PHF24: variants seen among roughly 807,000 people sequenced by gnomAD.
The protein encoded by PHF24 is Galpha inhibitory interacting protein.
In PHF24, 25 loss-of-function variants were observed where a neutral mutation model predicts 42.6. The observed-to-expected ratio is 0.59, with a 90% confidence interval of 0.43 to 0.82. The LOEUF is 0.82. Among genes scored for constraint, PHF24 ranks in the 40% least tolerant of loss-of-function variants. PHF24 has a pLI of 0.00. For missense variants in PHF24, 470 were observed against 538.1 expected, an observed-to-expected ratio of 0.87 and a Z score of 1.25; for synonymous variants, 185 against 204.8, an observed-to-expected ratio of 0.90 and a Z score of 0.83.
chr9:34,842,005 C>G, the PHF24 span, among the ~76,000 whole-genome samples: 1 of 152,238 alleles, frequency 6.6e-6, no homozygotes, highest in Admixed American at 6.5e-5. Flanking sequence ...CATTTCCTCT[C>G]TCTTCCAAAC....
At chr9:34,870,896 T>TA in the PHF24 span, among the ~76,000 whole-genome samples, 1 of 152,214 alleles carries the variant, frequency 6.6e-6, no homozygotes, top group East Asian at 1.9e-4. Context: ...AAATCATGAG[T>TA]AAAGCTGTTA....
the PHF24 span, among the ~76,000 whole-genome samples, chr9:34,729,959 G>A: frequency 2.0e-5 from 3 of 152,176 alleles, no homozygotes; most frequent in African/African-American, 7.2e-5. Context: ...TAACAGAGGT[G>A]CAGGAAGGGG....
chr9:34,895,669 A>G, the PHF24 span: 79 of 403,922 alleles, frequency 2.0e-4, no homozygotes, highest in Non-Finnish European at 3.1e-4. Flanking sequence ...AGATGGATCC[A>G]TAGGTGTATA....
the PHF24 span, among the ~76,000 whole-genome samples, chr9:34,852,862 T>C: frequency 1.3e-5 from 2 of 152,198 alleles, no homozygotes; most frequent in East Asian, 1.9e-4. Context: ...CTTGGCTCAA[T>C]TGATCCTTTT....
At chr9:34,973,475 G>A in intron 3 of PHF24, among the ~76,000 whole-genome samples, 1 of 152,200 alleles carries the variant, frequency 6.6e-6, no homozygotes, top group East Asian at 1.9e-4. Flanking sequence ...GGTTTCCATT[G>A]AAAGCCAGAT....
the PHF24 span, among the ~76,000 whole-genome samples, chr9:34,735,602 C>A: frequency 2.0e-5 from 3 of 151,316 alleles, no homozygotes; most frequent in Admixed American, 6.6e-5. Context: ...AGTTCAAGAC[C>A]AGCCTGGCCA....
chr9:34,796,854 A>C, the PHF24 span, among the ~76,000 whole-genome samples: 1 of 152,198 alleles, frequency 6.6e-6, no homozygotes, highest in Non-Finnish European at 1.5e-5. Flanking sequence ...TCACACAAAA[A>C]CTTGTTATAC....
At chr9:34,728,754 A>G in the PHF24 span, 170 of 1,097,082 alleles carry the variant, frequency 1.5e-4, no homozygotes, top group Non-Finnish European at 2.2e-4. Flanking sequence ...CTCGCTTTGT[A>G]TATATCTATC....
At chr9:34,709,122 A>G in the PHF24 span, 1 of 543,850 alleles carries the variant, frequency 1.8e-6, no homozygotes. Flanking sequence ...TTCTCCTTCA[A>G]GGGGACAGTC....
chr9:34,909,209 A>G, the PHF24 span, among the ~76,000 whole-genome samples: 1 of 152,098 alleles, frequency 6.6e-6, no homozygotes, highest in East Asian at 1.9e-4. Context: ...TCGAACTCTC[A>G]GGCTCAAGCT....
the PHF24 span, among the ~76,000 whole-genome samples, chr9:34,808,458 T>G: frequency 1.3e-5 from 2 of 151,858 alleles, no homozygotes; most frequent in African/African-American, 4.8e-5. Context: ...GGAGACTCTA[T>G]CCCCCCGCCA....
At chr9:34,792,516 CA>C in the PHF24 span, among the ~76,000 whole-genome samples, 1 of 152,018 alleles carries the variant, frequency 6.6e-6, no homozygotes, top group Non-Finnish European at 1.5e-5. Context: ...ACTAAAAATA[CA>C]AAATTAGCAG....
chr9:34,847,210 TA>T, the PHF24 span, among the ~76,000 whole-genome samples: 2 of 152,256 alleles, frequency 1.3e-5, no homozygotes, highest in African/African-American at 4.8e-5. Context: ...ATTTTCATGA[TA>T]TTGATTCTTC....
At chr9:34,723,442 C>G in the PHF24 span, 28 of 1,551,768 alleles carry the variant, frequency 1.8e-5, no homozygotes, top group South Asian at 3.2e-4. Context: ...TCGGCTTCTC[C>G]GTCTTACTTC....
chr9:34,857,201 GAAT>G, the PHF24 span, among the ~76,000 whole-genome samples: 2 of 152,206 alleles, frequency 1.3e-5, no homozygotes, highest in Non-Finnish European at 2.9e-5. Context: ...TGGCCAGCTG[GAAT>G]TCCAAGCCAG....
At chr9:34,770,100 A>G in the PHF24 span, among the ~76,000 whole-genome samples, 1 of 152,202 alleles carries the variant, frequency 6.6e-6, no homozygotes. Flanking sequence ...TTTGCATAGT[A>G]TAACACACTA....
At chr9:34,944,737 A>G in the PHF24 span, among the ~76,000 whole-genome samples, 3 of 152,112 alleles carry the variant, frequency 2.0e-5, no homozygotes, top group African/African-American at 7.2e-5. Context: ...TTAGCCAGGC[A>G]TGGTGGCACA....
chr9:34,771,112 T>C, the PHF24 span, among the ~76,000 whole-genome samples: 5 of 152,296 alleles, frequency 3.3e-5, no homozygotes, highest in South Asian at 1.0e-3. Context: ...AAACTTTGTC[T>C]CGAAGTAAAT....
chr9:34,723,802 A>G, the PHF24 span: 4 of 1,551,590 alleles, frequency 2.6e-6, no homozygotes, highest in Non-Finnish European at 3.5e-6. Flanking sequence ...CAAGGATGAC[A>G]GTTAGCTTGG....
Sources: gnomAD v4.1 joint callset for allele counts (sites outside exome capture counted in the v4.1 genomes callset) on GRCh38, gnomAD v4.1.1 for gene constraint, MANE v1.5 for transcripts, NCBI Gene and HGNC (gene_info 2026-07-23, HGNC 2026-07-21) for gene names.